ARHGAP32: variants seen among roughly 807,000 people sequenced by gnomAD.
ARHGAP32 encodes rho GTPase-activating protein 32.
ARHGAP32 carries 51 observed loss-of-function variants against 186.5 expected under a neutral mutation model. The observed-to-expected ratio is 0.27, with a 90% CI of 0.22 to 0.35. The LOEUF is 0.35. Ranked by LOEUF, ARHGAP32 falls within the 10% of genes least tolerant of loss-of-function variation. ARHGAP32 has a pLI of 1.00. For synonymous variants in ARHGAP32, 950 were observed against 964.3 expected (o/e 0.99, Z 0.27); for missense variants, 2,186 against 2,623.5 (o/e 0.83, Z 3.64).
intron 2 of ARHGAP32, among the ~76,000 whole-genome samples, chr11:129,143,634 AGGAG>A: frequency 3.5e-5 from 4 of 115,822 alleles, no homozygotes; most frequent in African/African-American, 2.9e-5. Flanking sequence ...AAAGCACAAG[AGGAG>A]TGATGCTGCC....
intron 3 of ARHGAP32, 68 bp downstream of exon 3, chr11:129,124,735 A>T: frequency 8.2e-7 from 1 of 1,221,356 alleles, no homozygotes; most frequent in Non-Finnish European, 1.2e-6. Context: ...TAAAAGTTTT[A>T]AGAGAATTGA....
intron 2 of ARHGAP32, among the ~76,000 whole-genome samples, chr11:129,139,719 C>T (rs538285544): frequency 1.6e-4 from 24 of 152,286 alleles, no homozygotes; most frequent in Middle Eastern, 3.4e-3. Flanking sequence ...CCTTGCCTTC[C>T]GCCATGATTG....
At chr11:129,188,957 A>C (rs1944220800) in intron 1 of ARHGAP32, among the ~76,000 whole-genome samples, 1 of 152,176 alleles carries the variant, frequency 6.6e-6, no homozygotes, top group African/African-American at 2.4e-5. Context: ...TCATATGATA[A>C]ACATTTCTAC....
Position 129,239,227 on chromosome 11 carries a change from C to T in ARHGAP32, c.-5+39919G>A, listed in dbSNP as rs1014360878. ...CAGACTTTCCTATTTCCTATATAGT[C>T]TTTCTACTTCTAGTCTTTGCCCTTT... is the stretch of plus-strand genomic sequence containing the variant. On this transcript the variant is annotated intron_variant, in intron 1 of 6. Coordinates refer to the ARHGAP32 transcript ENST00000525234. 8.5e-5 allele frequency among the ~76,000 whole-genome samples: 13 copies of T among 152,270 alleles called. No individual in the cohort carries two copies. The South Asian group carries it at 2.7e-3, about 32-fold the overall frequency.
At chr11:129,223,992 T>C (rs1463006324) in intron 1 of ARHGAP32, among the ~76,000 whole-genome samples, 1 of 152,194 alleles carries the variant, frequency 6.6e-6, no homozygotes, top group African/African-American at 2.4e-5. Flanking sequence ...ATTCACTTGT[T>C]GGCTTTCTTC....
chr11:129,254,768 G>C (rs1319073524), intron 1 of ARHGAP32, among the ~76,000 whole-genome samples: 1 of 152,074 alleles, frequency 6.6e-6, no homozygotes, highest in Non-Finnish European at 1.5e-5. Flanking sequence ...AGAAAATTAA[G>C]TATCAGCACA....
chr11:129,063,582 A>G (rs1940586269), intron 9 of ARHGAP32, among the ~76,000 whole-genome samples: 1 of 152,164 alleles, frequency 6.6e-6, no homozygotes, highest in African/African-American at 2.4e-5. Context: ...AATAAGTGAT[A>G]TATCAGCAAT....
At chr11:129,244,443 C>T (rs945119014) in intron 1 of ARHGAP32, among the ~76,000 whole-genome samples, 5 of 152,198 alleles carry the variant, frequency 3.3e-5, no homozygotes, top group Middle Eastern at 3.4e-3. Flanking sequence ...ATTTTTTAAA[C>T]GTTTTCTAAA....
chr11:128,988,754 A>G (rs949486806), intron 12 of ARHGAP32, among the ~76,000 whole-genome samples: 3 of 152,224 alleles, frequency 2.0e-5, no homozygotes, highest in Admixed American at 2.0e-4. Flanking sequence ...TTTTGACTTT[A>G]TATTATCAGC....
At chr11:129,060,308 A>G (rs1565401651) in intron 10 of ARHGAP32, among the ~76,000 whole-genome samples, 1 of 152,104 alleles carries the variant, frequency 6.6e-6, no homozygotes, top group Non-Finnish European at 1.5e-5. Context: ...AATCCAAAAA[A>G]AGCAAATGAC....
At chr11:129,157,509 G>A (rs1015469885) in intron 2 of ARHGAP32, among the ~76,000 whole-genome samples, 1 of 151,950 alleles carries the variant, frequency 6.6e-6, no homozygotes, top group Non-Finnish European at 1.5e-5. Flanking sequence ...ATGAAATAAA[G>A]CGTGAAGACA....
At chr11:129,080,625 G>A (rs1941191256) in intron 6 of ARHGAP32, among the ~76,000 whole-genome samples, 1 of 152,048 alleles carries the variant, frequency 6.6e-6, no homozygotes, top group Non-Finnish European at 1.5e-5. Context: ...AAAGCTCATG[G>A]CATTAAATGC....
At chr11:129,247,432 C>G (rs1945115651) in intron 1 of ARHGAP32, among the ~76,000 whole-genome samples, 1 of 152,164 alleles carries the variant, frequency 6.6e-6, no homozygotes, top group Admixed American at 6.5e-5. Context: ...TTTAAAGACA[C>G]CTCACAAACA....
At chr11:129,245,400 G>T (rs1237878755) in intron 1 of ARHGAP32, among the ~76,000 whole-genome samples, 6 of 148,856 alleles carry the variant, frequency 4.0e-5, no homozygotes, top group African/African-American at 1.2e-4. Flanking sequence ...ATTGAACAAT[G>T]AGATCACATG....
In ARHGAP32 at chr11:128,965,656, A is replaced by T. The variant is rs1157171062; in HGVS notation, c.*3251T>A. The T allele has an allele frequency of 2.0e-5, 3 of 152,230 alleles. No homozygotes were observed. The highest frequency in any genetic ancestry group is 4.4e-5 in the Non-Finnish European group (3 of 68,046). The allele number at this position is 152,230 out of a possible 1,614,324, so 9.4% of individuals were successfully genotyped here. A position where few individuals can be genotyped will look rare whatever the true frequency, so the allele number is the denominator to read the frequency against. On this transcript the variant is annotated 3_prime_UTR_variant, in exon 23 of 23. Transcript: ENST00000682385. ...CACATGCCTCTAACCATGTGGAAGA[A>T]GTAACTGTCTGACATACTTTTGCTT...
intron 11 of ARHGAP32, among the ~76,000 whole-genome samples, chr11:129,030,754 T>C (rs1939079169): frequency 6.6e-6 from 1 of 152,212 alleles, no homozygotes; most frequent in Admixed American, 6.5e-5. Context: ...ATAGTTTAGA[T>C]ATTTGTCCCC....
At chr11:129,001,151 T>C (rs1481821007) in intron 11 of ARHGAP32, among the ~76,000 whole-genome samples, 1 of 152,212 alleles carries the variant, frequency 6.6e-6, no homozygotes, top group African/African-American at 2.4e-5. Flanking sequence ...TACCCAGCAG[T>C]AGGACTGCTG....
intron 1 of ARHGAP32, among the ~76,000 whole-genome samples, chr11:129,203,796 G>A (rs1274314722): frequency 2.0e-5 from 3 of 149,874 alleles, no homozygotes; most frequent in African/African-American, 7.3e-5. Flanking sequence ...CAGCTACTCG[G>A]GAGGCTGAGG....
intron 11 of ARHGAP32, among the ~76,000 whole-genome samples, chr11:129,023,544 T>A (rs1226764082): frequency 2.0e-5 from 3 of 152,216 alleles, no homozygotes; most frequent in Non-Finnish European, 4.4e-5. Flanking sequence ...ACTTTTATTA[T>A]ATTAAACTAA....
Sources: gnomAD v4.1 joint callset for allele counts (sites outside exome capture counted in the v4.1 genomes callset) on GRCh38, gnomAD v4.1.1 for gene constraint, MANE v1.5 for transcripts, NCBI Gene and HGNC (gene_info 2026-07-23, HGNC 2026-07-21) for gene names.